Variants in STAT5B observed in about 807,000 individuals in gnomAD.
The protein encoded by STAT5B is signal transducer and activator of transcription 5B.
Under a neutral mutation model 107.8 loss-of-function variants are expected in STAT5B, and 21 were observed. That is an observed-to-expected ratio of 0.19 (90% confidence interval 0.14 to 0.28). The LOEUF is 0.28. Among genes scored for constraint, STAT5B ranks in the 10% least tolerant of loss-of-function variants. The pLI is 1.00. For missense variants in STAT5B, 565 were observed against 1,008.2 expected, an observed-to-expected ratio of 0.56 and a Z score of 5.95; for synonymous variants, 325 against 401.7, an observed-to-expected ratio of 0.81 and a Z score of 2.28.
At chr17:42,265,878 A>G (rs2080666667) in intron 1 of STAT5B, among the ~76,000 whole-genome samples, 2 of 152,110 alleles carry the variant, frequency 1.3e-5, no homozygotes, top group South Asian at 2.1e-4. Context: ...ACTGTTTCAT[A>G]TGATTATCGG....
At chr17:42,229,620 C>T (rs2080302100) in intron 2 of STAT5B, among the ~76,000 whole-genome samples, 1 of 151,410 alleles carries the variant, frequency 6.6e-6, no homozygotes, top group Non-Finnish European at 1.5e-5. Context: ...AGCTTTTAAT[C>T]CCAGCACTTT....
At chr17:42,278,991 A>T (rs560083957), upstream of STAT5B, among the ~76,000 whole-genome samples, 31 of 151,254 alleles carry the variant, frequency 2.0e-4, no homozygotes, top group African/African-American at 4.4e-4. Context: ...AAAAAAAAAA[A>T]ATATTTGTAA....
At chr17:42,240,825 A>G (rs1470011179) in intron 1 of STAT5B, among the ~76,000 whole-genome samples, 1 of 152,140 alleles carries the variant, frequency 6.6e-6, no homozygotes, top group East Asian at 1.9e-4. Context: ...CCTGTTTGTT[A>G]TATTTCATAA....
chr17:42,282,063 T>C, the STAT5B span, among the ~76,000 whole-genome samples: 1 of 151,952 alleles, frequency 6.6e-6, no homozygotes, highest in African/African-American at 2.4e-5. Context: ...CTGGGAACCA[T>C]GGTGGGGGTG....
chr17:42,253,724 G>A (rs1177637288), intron 1 of STAT5B, among the ~76,000 whole-genome samples: 3 of 152,178 alleles, frequency 2.0e-5, no homozygotes. Flanking sequence ...GGCCCAGACT[G>A]GAGAGCAGTG....
intron 1 of STAT5B, among the ~76,000 whole-genome samples, chr17:42,254,031 G>T (rs1184392725): frequency 1.3e-5 from 2 of 152,074 alleles, no homozygotes; most frequent in East Asian, 3.9e-4. Context: ...TCAAGCAGAA[G>T]TGATCTGCCC....
intron 1 of STAT5B, among the ~76,000 whole-genome samples, chr17:42,267,439 G>A (rs180681916): frequency 3.3e-4 from 51 of 152,282 alleles, no homozygotes; most frequent in Non-Finnish European, 4.9e-4. Flanking sequence ...TGATGACCCT[G>A]ACCCTGTGTA....
intron 4 of STAT5B, 51 bp from the exon 5 acceptor site, chr17:42,223,607 G>A: frequency 1.2e-6 from 2 of 1,601,584 alleles, no homozygotes; most frequent in African/African-American, 1.3e-5. Context: ...GAGGAAGACT[G>A]AGGCCTTAAT....
chr17:42,236,189 G>GT (rs561814514), intron 1 of STAT5B, among the ~76,000 whole-genome samples: 69 of 152,248 alleles, frequency 4.5e-4, no homozygotes, highest in African/African-American at 1.6e-3. Flanking sequence ...ATACAATATA[G>GT]TTTCACTACA....
chr17:42,215,118 C>A (rs2080160560), intron 12 of STAT5B, among the ~76,000 whole-genome samples: 1 of 152,100 alleles, frequency 6.6e-6, no homozygotes, highest in Non-Finnish European at 1.5e-5. Context: ...ATAAATCCAC[C>A]AAATTATATC....
chr17:42,286,233 CAAAAAAAA>C, the STAT5B span, among the ~76,000 whole-genome samples: 1 of 52,402 alleles, frequency 1.9e-5, no homozygotes, highest in African/African-American at 7.5e-5. Context: ...AACTCCATCT[CAAAAAAAA>C]AAAAAAAAAA....
intron 1 of STAT5B, among the ~76,000 whole-genome samples, chr17:42,269,205 C>G (rs1265611601): frequency 6.6e-6 from 1 of 152,134 alleles, no homozygotes; most frequent in Non-Finnish European, 1.5e-5. Flanking sequence ...TCCTGAGTAG[C>G]TGGGATTACA....
chr17:42,221,996 G>GGT (rs751965123), intron 5 of STAT5B, among the ~76,000 whole-genome samples: 25 of 142,070 alleles, frequency 1.8e-4, no homozygotes, highest in African/African-American at 6.3e-4. Flanking sequence ...TGTGTGGTGT[G>GGT]GTGTGTGTGT....
the STAT5B span, among the ~76,000 whole-genome samples, chr17:42,286,088 C>G: frequency 3.3e-5 from 5 of 151,944 alleles, no homozygotes; most frequent in Non-Finnish European, 5.9e-5. Flanking sequence ...ACAAAATTAG[C>G]CAGGAGTGGT....
At chr17:42,214,717 T>C (rs1598300269) in intron 12 of STAT5B, 1 of 892,606 alleles carries the variant, frequency 1.1e-6, no homozygotes, top group Non-Finnish European at 1.3e-6. Flanking sequence ...CTAATCTCTA[T>C]TGGAAATATG....
chr17:42,222,422 A>G (rs549117449), intron 5 of STAT5B, among the ~76,000 whole-genome samples: 1 of 152,280 alleles, frequency 6.6e-6, no homozygotes, highest in Admixed American at 6.5e-5. Context: ...AGCTCTGTCC[A>G]TAAGGGCTAC....
At chr17:42,262,314 C>T (rs181284163) in intron 1 of STAT5B, among the ~76,000 whole-genome samples, 37 of 152,298 alleles carry the variant, frequency 2.4e-4, no homozygotes, top group Admixed American at 2.0e-3. Context: ...CATACACCAG[C>T]ACCCCGTGCT....
At chr17:42,243,625 G>C (rs1382525308) in intron 1 of STAT5B, among the ~76,000 whole-genome samples, 1 of 152,122 alleles carries the variant, frequency 6.6e-6, no homozygotes, top group East Asian at 1.9e-4. Context: ...CTCAACCTAG[G>C]TGAAGTATAT....
intron 1 of STAT5B, among the ~76,000 whole-genome samples, chr17:42,242,363 C>T (rs960553512): frequency 2.6e-5 from 4 of 152,088 alleles, no homozygotes; most frequent in African/African-American, 9.7e-5. Flanking sequence ...TGTTGGGGAA[C>T]AGCATTTAGT....
Sources: allele counts gnomAD v4.1 joint callset (sites outside exome capture counted in the v4.1 genomes callset), GRCh38; gene constraint gnomAD v4.1.1; transcripts MANE v1.5; gene names NCBI Gene and HGNC (gene_info 2026-07-23, HGNC 2026-07-21).